The following ST6GALNAC5 variants were observed in gnomAD, a reference collection of about 807,000 sequenced individuals.
ST6GALNAC5 encodes ST6 N-acetylgalactosaminide alpha-2,6-sialyltransferase 5.
A neutral mutation model predicts 33.6 loss-of-function variants in ST6GALNAC5; 27 were observed. The observed-to-expected ratio is 0.80, with a 90% CI of 0.59 to 1.11. The LOEUF (loss-of-function observed/expected upper bound fraction) is 1.11. ST6GALNAC5 is among the 50% of genes least tolerant of loss of function. ST6GALNAC5 has a pLI of 0.00. For synonymous variants in ST6GALNAC5, 194 were observed against 171.2 expected (o/e 1.13, Z -1.04); for missense variants, 428 against 454.0 (o/e 0.94, Z 0.52).
intron 2 of ST6GALNAC5, among the ~76,000 whole-genome samples, chr1:76,881,149 AT>A (rs1301017049): frequency 6.6e-6 from 1 of 152,198 alleles, no homozygotes; most frequent in Non-Finnish European, 1.5e-5. Flanking sequence ...TGTCATCCGT[AT>A]CCCAGAACTT....
intron 2 of ST6GALNAC5, among the ~76,000 whole-genome samples, chr1:76,979,842 A>G (rs563652701): frequency 6.6e-6 from 1 of 152,274 alleles, no homozygotes; most frequent in South Asian, 2.1e-4. Flanking sequence ...CATGATAATC[A>G]GAGGCATGAT....
chr1:76,870,459 C>T (rs1433445019), intron 2 of ST6GALNAC5, among the ~76,000 whole-genome samples: 1 of 152,152 alleles, frequency 6.6e-6, no homozygotes, highest in Non-Finnish European at 1.5e-5. Flanking sequence ...ACTTTTCTTC[C>T]TGTGTTCTTC....
intron 2 of ST6GALNAC5, among the ~76,000 whole-genome samples, chr1:76,972,340 G>A (rs1476463562): frequency 6.6e-6 from 1 of 152,020 alleles, no homozygotes; most frequent in Non-Finnish European, 1.5e-5. Context: ...CATGACACGT[G>A]GGAATGATGA....
intron 2 of ST6GALNAC5, among the ~76,000 whole-genome samples, chr1:76,945,135 G>C (rs1367633583): frequency 1.3e-5 from 2 of 152,006 alleles, no homozygotes; most frequent in African/African-American, 4.8e-5. Flanking sequence ...ACCTGAGCCT[G>C]GCCTGATCTA....
intron 2 of ST6GALNAC5, among the ~76,000 whole-genome samples, chr1:77,009,443 G>A (rs1650547863): frequency 6.6e-6 from 1 of 152,066 alleles, no homozygotes; most frequent in South Asian, 2.1e-4. Flanking sequence ...ATTGTGCCCA[G>A]GTAGGCAGGG....
intron 4 of ST6GALNAC5, among the ~76,000 whole-genome samples, chr1:77,051,997 G>A (rs1652236491): frequency 6.6e-6 from 1 of 152,194 alleles, no homozygotes; most frequent in African/African-American, 2.4e-5. Flanking sequence ...CCTACTCAGA[G>A]TTAGTTCATC....
chr1:76,941,322 A>G (rs1460306141), intron 2 of ST6GALNAC5, among the ~76,000 whole-genome samples: 7 of 152,032 alleles, frequency 4.6e-5, no homozygotes, highest in Admixed American at 1.3e-4. Flanking sequence ...CCTTTTTATC[A>G]TGTTTTTCTC....
At chr1:77,019,289 G>A (rs1650967062) in intron 2 of ST6GALNAC5, among the ~76,000 whole-genome samples, 1 of 152,188 alleles carries the variant, frequency 6.6e-6, no homozygotes, top group African/African-American at 2.4e-5. Context: ...TGCCAGCTGA[G>A]GGAAATTGCA....
rs538924879 is a variant in ST6GALNAC5, at chr1:76,918,671, A to T, written c.261+49929A>T. Among the ~76,000 whole-genome samples, 7 of 151,932 alleles carry T rather than the reference A, an allele frequency of 4.6e-5. No homozygotes were observed. In the South Asian group the frequency reaches 1.5e-3, roughly 32 times the overall value. ...CTCCAAGATGAGCACCTGAGCACCA[A>T]GCAGTCCTCATCCTTCTCACTGCTT... On this transcript the variant is annotated intron_variant, in intron 2 of 4. Transcript: ENST00000477717.
intron 2 of ST6GALNAC5, among the ~76,000 whole-genome samples, chr1:77,031,096 T>A (rs1651434754): frequency 6.6e-6 from 1 of 152,178 alleles, no homozygotes; most frequent in African/African-American, 2.4e-5. Flanking sequence ...AGAGGATGCA[T>A]CATGTTTAGC....
intron 2 of ST6GALNAC5, among the ~76,000 whole-genome samples, chr1:76,940,615 A>G (rs1372280145): frequency 6.6e-6 from 1 of 152,078 alleles, no homozygotes; most frequent in Non-Finnish European, 1.5e-5. Context: ...GCCAGGCCAC[A>G]CAGTGAGTGG....
At chr1:77,020,047 G>C (rs1416397945) in intron 2 of ST6GALNAC5, among the ~76,000 whole-genome samples, 1 of 152,090 alleles carries the variant, frequency 6.6e-6, no homozygotes, top group Non-Finnish European at 1.5e-5. Context: ...ATAATGTAAA[G>C]AATTGAGCCA....
At chr1:77,028,001 A>G (rs1266287723) in intron 2 of ST6GALNAC5, among the ~76,000 whole-genome samples, 1 of 152,200 alleles carries the variant, frequency 6.6e-6, no homozygotes, top group African/African-American at 2.4e-5. Context: ...GAGTGCAACT[A>G]AAAATGAGCT....
rs1192755064 is a variant in ST6GALNAC5, at chr1:76,868,053, C to T, written c.15+363C>T. On this transcript the variant is annotated intron_variant, in intron 1 of 4. Coordinates refer to ENST00000477717, the MANE Select transcript of ST6GALNAC5 (RefSeq NM_030965.3). This position sits in a 1 kb window ranked among gnomAD's most constrained non-coding sequence, Gnocchi z 4.3. ...GAGGGACGGGGAGGGGGGACCTTTG[C>T]AGACTTTCTTCGTTTTCTTAGATTT... Among the ~76,000 whole-genome samples, 1 of 152,186 alleles carries T rather than the reference C, an allele frequency of 6.6e-6. No individual in the cohort carries two copies. The highest frequency in any genetic ancestry group is 1.5e-5 in the Non-Finnish European group (1 of 68,036).
intron 2 of ST6GALNAC5, among the ~76,000 whole-genome samples, chr1:76,986,881 A>G (rs1422305866): frequency 1.3e-5 from 2 of 152,288 alleles, no homozygotes; most frequent in South Asian, 2.1e-4. Context: ...CATGGATGTG[A>G]CTGGAAACCA....
chr1:76,945,342 A>C (rs1194093908), intron 2 of ST6GALNAC5, among the ~76,000 whole-genome samples: 1 of 152,140 alleles, frequency 6.6e-6, no homozygotes, highest in Admixed American at 6.5e-5. Context: ...CATTCTAGAA[A>C]ATGCAAAATA....
intron 2 of ST6GALNAC5, among the ~76,000 whole-genome samples, chr1:76,881,335 T>C (rs1653775072): frequency 6.6e-6 from 1 of 152,220 alleles, no homozygotes; most frequent in Non-Finnish European, 1.5e-5. Flanking sequence ...TTGCCTGTTC[T>C]ATTCAATATG....
At chr1:77,003,684 C>T (rs2100413963) in intron 2 of ST6GALNAC5, among the ~76,000 whole-genome samples, 1 of 151,968 alleles carries the variant, frequency 6.6e-6, no homozygotes, top group East Asian at 1.9e-4. Context: ...TAAGGCAGGC[C>T]TGGTGGTGAC....
chr1:77,046,844 T>C (rs1652030262), intron 3 of ST6GALNAC5, among the ~76,000 whole-genome samples: 1 of 152,216 alleles, frequency 6.6e-6, no homozygotes, highest in African/African-American at 2.4e-5. Flanking sequence ...CAATGTTAGC[T>C]ATTTAGTATA....
Sources: gnomAD v4.1 joint callset for allele counts (sites outside exome capture counted in the v4.1 genomes callset) on GRCh38, gnomAD v4.1.1 for gene constraint, Gnocchi (gnomAD v3.1) non-coding constraint, MANE v1.5 for transcripts, NCBI Gene and HGNC (gene_info 2026-07-23, HGNC 2026-07-21) for gene names.